TAFA5: variants seen among roughly 807,000 people sequenced by gnomAD.
The protein encoded by TAFA5 is TAFA chemokine like family member 5.
Under a neutral mutation model 15.3 loss-of-function variants are expected in TAFA5, and 6 were observed. The ratio of observed to expected loss-of-function variants is 0.39; its 90% CI spans 0.21 to 0.77. The LOEUF (loss-of-function observed/expected upper bound fraction) is 0.77. Ranked by LOEUF, TAFA5 falls within the 30% of genes least tolerant of loss-of-function variation. The pLI is 0.41. For missense variants in TAFA5, 161 were observed against 193.1 expected, an observed-to-expected ratio of 0.83 and a Z score of 0.98; for synonymous variants, 103 against 80.7, an observed-to-expected ratio of 1.28 and a Z score of -1.48.
At chr22:48,549,948 C>T (rs991998761) in intron 1 of TAFA5, among the ~76,000 whole-genome samples, 1 of 152,214 alleles carries the variant, frequency 6.6e-6, no homozygotes, top group Non-Finnish European at 1.5e-5. Context: ...AGGCGAGGTC[C>T]GAATGATTTC....
At chr22:48,538,191 A>T (rs894918566) in intron 1 of TAFA5, among the ~76,000 whole-genome samples, 4 of 151,108 alleles carry the variant, frequency 2.6e-5, no homozygotes, top group Non-Finnish European at 5.9e-5. Flanking sequence ...AGAGCCGAAA[A>T]TATTGACTAC....
intron 1 of TAFA5, among the ~76,000 whole-genome samples, chr22:48,626,920 A>G (rs1265235396): frequency 6.6e-6 from 1 of 152,186 alleles, no homozygotes; most frequent in Non-Finnish European, 1.5e-5. Context: ...TGGACCTTCC[A>G]GCTGCTCCAG....
intron 1 of TAFA5, among the ~76,000 whole-genome samples, chr22:48,628,021 A>G (rs1016304378): frequency 6.6e-6 from 1 of 151,328 alleles, no homozygotes; most frequent in Non-Finnish European, 1.5e-5. Context: ...GGAGCGGAGG[A>G]TGCGATCCTG....
At chr22:48,703,376 G>A (rs1361371954) in intron 2 of TAFA5, among the ~76,000 whole-genome samples, 1 of 152,198 alleles carries the variant, frequency 6.6e-6, no homozygotes, top group Non-Finnish European at 1.5e-5. Flanking sequence ...ACCGTGCATA[G>A]TACCACATCA....
At chr22:48,582,561 A>G (rs1465031109) in intron 1 of TAFA5, among the ~76,000 whole-genome samples, 7 of 150,914 alleles carry the variant, frequency 4.6e-5, no homozygotes, top group African/African-American at 1.7e-4. Context: ...CACAAAATAC[A>G]CCACACACAA....
chr22:48,659,379 T>C (rs116936697), intron 2 of TAFA5, among the ~76,000 whole-genome samples: 2,380 of 152,148 alleles, frequency 0.016, 23 homozygotes, highest in Non-Finnish European at 0.023. Flanking sequence ...GGAGGCTGAG[T>C]CCAAGACAGG....
intron 3 of TAFA5, among the ~76,000 whole-genome samples, chr22:48,732,562 G>A (rs569275908): frequency 2.0e-5 from 3 of 152,164 alleles, no homozygotes; most frequent in African/African-American, 7.2e-5. Flanking sequence ...GCCAGAAAGT[G>A]TTTTTTTGAC....
intron 1 of TAFA5, among the ~76,000 whole-genome samples, chr22:48,505,839 A>G (rs552216223): frequency 6.6e-5 from 10 of 152,230 alleles, no homozygotes; most frequent in East Asian, 1.9e-4. Flanking sequence ...ATGAAAGGAC[A>G]CAGATTACAA....
rs371692247 is a variant in TAFA5 at position 48,751,791 on chromosome 22, TGAAA to T, written c.*1946_*1949del. 1.1e-4 allele frequency: 17 copies of T among 152,642 alleles called. No individual in the cohort carries two copies. Among genetic ancestry groups the T allele is most frequent in the African/African-American group, 4.1e-4 (17 of 41,582 alleles). The allele number at this position is 152,642 out of a possible 1,614,324, so 9.5% of individuals were successfully genotyped here. On this transcript the variant is annotated 3_prime_UTR_variant, in exon 4 of 4. Transcript: ENST00000402357. ...CGGCCTCCCCCTCGCCTGTTTCTTT[TGAAA>T]GCAAGTGTAGACACCTTCGAGGGCA...
At chr22:48,563,957 G>A (rs1923324147) in intron 1 of TAFA5, among the ~76,000 whole-genome samples, 1 of 152,146 alleles carries the variant, frequency 6.6e-6, no homozygotes, top group African/African-American at 2.4e-5. Context: ...CGATGCTGTA[G>A]AAGGAGCAGC....
At chr22:48,683,919 A>G (rs942379436) in intron 2 of TAFA5, among the ~76,000 whole-genome samples, 2 of 152,050 alleles carry the variant, frequency 1.3e-5, no homozygotes, top group Admixed American at 6.6e-5. Context: ...TCCATGTGAG[A>G]CGTGCCTGCT....
At chr22:48,677,582 G>T (rs1028264150) in intron 2 of TAFA5, among the ~76,000 whole-genome samples, 2 of 152,204 alleles carry the variant, frequency 1.3e-5, no homozygotes, top group African/African-American at 4.8e-5. Context: ...TCTGCCTGCT[G>T]CCTCCCTCCT....
rs145397517 is a variant in TAFA5 at position 48,656,141 on chromosome 22, C to T, written c.262+9395C>T. On this transcript the variant is annotated intron_variant, in intron 2 of 3. Coordinates refer to ENST00000402357, the MANE Select transcript of TAFA5 (RefSeq NM_001082967.3). The stretch of plus-strand genomic sequence containing the variant: ...ACAGGTGTGAGCCACCACGCCCGGC[C>T]GACGCTGATTCTTTTTCAGGGTGTT... 4.3e-4 allele frequency among the ~76,000 whole-genome samples: 65 copies of T among 152,092 alleles called. 1 individual carries two copies. The East Asian group carries it at 8.7e-3, about 20-fold the overall frequency.
chr22:48,739,454 A>G (rs1424011187), intron 3 of TAFA5, among the ~76,000 whole-genome samples: 1 of 152,036 alleles, frequency 6.6e-6, no homozygotes, highest in Non-Finnish European at 1.5e-5. Flanking sequence ...TCTCCACCTC[A>G]TGGCACAGAA....
chr22:48,544,499 A>C (rs1922585645), intron 1 of TAFA5: 1 of 365,778 alleles, frequency 2.7e-6, no homozygotes, highest in Non-Finnish European at 5.5e-6. Context: ...CCTCTGCACC[A>C]CATGCTAATC....
chr22:48,608,198 C>G (rs1395672445), intron 1 of TAFA5, among the ~76,000 whole-genome samples: 2 of 126,116 alleles, frequency 1.6e-5, no homozygotes, highest in Non-Finnish European at 3.5e-5. Flanking sequence ...TGTTTCTCCT[C>G]TAAAGTCAGG....
chr22:48,693,149 C>A (rs907172800), intron 2 of TAFA5: 2 of 767,714 alleles, frequency 2.6e-6, no homozygotes, highest in Non-Finnish European at 4.1e-6. Context: ...GACCTCGAGT[C>A]GAAGCCTCTG....
At chr22:48,670,341 A>C (rs1208328164) in intron 2 of TAFA5, among the ~76,000 whole-genome samples, 1 of 152,242 alleles carries the variant, frequency 6.6e-6, no homozygotes, top group Non-Finnish European at 1.5e-5. Flanking sequence ...AGGGTTTGGA[A>C]CGTTCTTTTT....
Position 48,573,901 on chromosome 22 carries a change from T to C in TAFA5, c.113-72696T>C, listed in dbSNP as rs1216501156. Among the ~76,000 whole-genome samples the C allele has an allele frequency of 2.6e-5, 4 of 152,180 alleles. No individual in the cohort carries two copies. The East Asian group carries it at 7.7e-4, about 29-fold the overall frequency. On this transcript the variant is annotated intron_variant, in intron 1 of 3. Transcript: ENST00000402357. ...TCAAGGGCAGGCTCTCTCTCCTGAT[T>C]GAGGTCCCTTTGGGGGCCAGGGGTG...
Sources: allele counts gnomAD v4.1 joint callset (sites outside exome capture counted in the v4.1 genomes callset), GRCh38; gene constraint gnomAD v4.1.1; transcripts MANE v1.5; gene names NCBI Gene and HGNC (gene_info 2026-07-23, HGNC 2026-07-21).